Variants in ANK2 observed in about 807,000 individuals in gnomAD.
The protein encoded by ANK2 is ankyrin-2.
In ANK2, 83 loss-of-function variants were observed where a neutral mutation model predicts 360.5. The observed-to-expected ratio is 0.23, with a 90% CI of 0.19 to 0.28. The LOEUF is 0.28. Ranked by LOEUF, ANK2 falls within the 10% of genes least tolerant of loss-of-function variation. ANK2 has a pLI of 1.00. For synonymous variants in ANK2, 1,740 were observed against 1,759.5 expected, an observed-to-expected ratio of 0.99 and a Z score of 0.28; for missense variants, 4,201 against 4,795.7, an observed-to-expected ratio of 0.88 and a Z score of 3.66.
At chr4:113,280,392 G>A (rs2061839762) in intron 17 of ANK2, among the ~76,000 whole-genome samples, 2 of 152,128 alleles carry the variant, frequency 1.3e-5, no homozygotes, top group South Asian at 4.1e-4. Context: ...ATGACATAAA[G>A]CATTTGTCTA....
chr4:112,930,237 G>C (rs1239400470), intron 2 of ANK2, among the ~76,000 whole-genome samples: 3 of 151,952 alleles, frequency 2.0e-5, no homozygotes, highest in Non-Finnish European at 4.4e-5. Context: ...TTGAGCCAAG[G>C]AGTTTCAGAC....
the ANK2 span, among the ~76,000 whole-genome samples, chr4:112,753,316 T>C: frequency 1.3e-5 from 2 of 152,236 alleles, no homozygotes; most frequent in Admixed American, 1.3e-4. Context: ...TACAGCCATG[T>C]GTCACTTAAC....
At chr4:112,978,208 C>T (rs960323810) in intron 2 of ANK2, among the ~76,000 whole-genome samples, 2 of 151,638 alleles carry the variant, frequency 1.3e-5, no homozygotes, top group African/African-American at 4.9e-5. Flanking sequence ...TGCGCCATTG[C>T]ACTGCAGCCT....
chr4:112,841,457 A>G (rs1465117181), intron 1 of ANK2, among the ~76,000 whole-genome samples: 1 of 152,226 alleles, frequency 6.6e-6, no homozygotes, highest in Non-Finnish European at 1.5e-5. Flanking sequence ...GTTCTTTTTC[A>G]GGAGCTATGT....
chr4:112,750,709 T>G, the ANK2 span, among the ~76,000 whole-genome samples: 1 of 152,014 alleles, frequency 6.6e-6, no homozygotes, highest in South Asian at 2.1e-4. Flanking sequence ...GTTGCCTATT[T>G]TTATGGTTAT....
chr4:112,885,369 C>A lies in ANK2; in HGVS notation c.-39-19086C>A, dbSNP rs141289074. 1.2e-3 allele frequency among the ~76,000 whole-genome samples: 186 copies of A among 151,768 alleles called. 1 individual carries two copies. The highest frequency in any genetic ancestry group is 4.2e-3 in the African/African-American group (175 of 41,386). On this transcript the variant is annotated intron_variant, in intron 1 of 30. Transcript: ENST00000503271. The stretch of plus-strand genomic sequence containing the variant: ...TAAAAATTAGCTGGGTGTGGAGGCA[C>A]GCGCCTGTAATCCCAGTTACTCGGG...
intron 45 of ANK2, chr4:113,378,059 A>C (rs2097021290): frequency 9.2e-7 from 1 of 1,091,222 alleles, no homozygotes; most frequent in Admixed American, 2.4e-5. Context: ...GTTTATGATG[A>C]GCTTTGTCTT....
intron 1 of ANK2, among the ~76,000 whole-genome samples, chr4:113,139,939 C>A (rs537749417): frequency 7.9e-5 from 12 of 152,244 alleles, no homozygotes; most frequent in African/African-American, 2.9e-4. Context: ...CTGTGTAAAG[C>A]ATAAACAGTA....
intron 4 of ANK2, among the ~76,000 whole-genome samples, chr4:113,202,468 G>A (rs2098844223): frequency 6.6e-6 from 1 of 152,298 alleles, no homozygotes; most frequent in African/African-American, 2.4e-5. Flanking sequence ...GTATTCAAGT[G>A]ATACCTTCTT....
chr4:113,350,614 A>G (rs2095349964), intron 37 of ANK2: 1 of 235,818 alleles, frequency 4.2e-6, no homozygotes, highest in Non-Finnish European at 8.4e-6. Flanking sequence ...TGACAGTATC[A>G]CTTTTTATGT....
At chr4:113,306,773 G>T (rs1171427856) in intron 23 of ANK2, among the ~76,000 whole-genome samples, 1 of 152,142 alleles carries the variant, frequency 6.6e-6, no homozygotes, top group Non-Finnish European at 1.5e-5. Flanking sequence ...TCAATAGCAC[G>T]CAGCTAGTAA....
the ANK2 span, among the ~76,000 whole-genome samples, chr4:112,723,603 A>T: frequency 6.6e-6 from 1 of 152,034 alleles, no homozygotes; most frequent in African/African-American, 2.4e-5. Context: ...ACCTCAGGTG[A>T]TCCTCCCTCC....
chr4:113,052,027 A>G (rs1325191673), intron 1 of ANK2, among the ~76,000 whole-genome samples: 1 of 152,182 alleles, frequency 6.6e-6, no homozygotes, highest in African/African-American at 2.4e-5. Context: ...GCTAGTAGTC[A>G]TTTTTCAAAA....
chr4:112,984,437 G>C (rs2044175473), intron 2 of ANK2, among the ~76,000 whole-genome samples: 2 of 152,176 alleles, frequency 1.3e-5, no homozygotes, highest in East Asian at 1.9e-4. Context: ...AAAACTTCCT[G>C]TTGTAATAAC....
chr4:112,965,648 T>C (rs1012903973), intron 2 of ANK2, among the ~76,000 whole-genome samples: 1 of 152,196 alleles, frequency 6.6e-6, no homozygotes, highest in Non-Finnish European at 1.5e-5. Context: ...TTTTCATATA[T>C]GGTGAGAGAT....
At chr4:112,876,547 C>T (rs1272846272) in intron 1 of ANK2, among the ~76,000 whole-genome samples, 2 of 152,002 alleles carry the variant, frequency 1.3e-5, no homozygotes, top group African/African-American at 4.8e-5. Flanking sequence ...ATAGGATATA[C>T]CCCTTCCTCT....
chr4:113,224,638 A>C (rs568191855), intron 4 of ANK2, among the ~76,000 whole-genome samples: 1 of 152,350 alleles, frequency 6.6e-6, no homozygotes, highest in Admixed American at 6.5e-5. Context: ...GCAATGTAAC[A>C]TTGAAAGTAA....
At chr4:113,261,716 T>A (rs2053023549) in intron 13 of ANK2, among the ~76,000 whole-genome samples, 1 of 152,148 alleles carries the variant, frequency 6.6e-6, no homozygotes, top group Non-Finnish European at 1.5e-5. Flanking sequence ...ATACATAACC[T>A]TTGTTTGAAT....
At chr4:112,947,479 G>T (rs2094618374) in intron 2 of ANK2, among the ~76,000 whole-genome samples, 1 of 152,038 alleles carries the variant, frequency 6.6e-6, no homozygotes, top group African/African-American at 2.4e-5. Context: ...CAAGTGTATT[G>T]TTTTCAGACC....
Sources: gnomAD v4.1 joint callset for allele counts (sites outside exome capture counted in the v4.1 genomes callset) on GRCh38, gnomAD v4.1.1 for gene constraint, MANE v1.5 for transcripts, NCBI Gene and HGNC (gene_info 2026-07-23, HGNC 2026-07-21) for gene names.